Variants in LYPLAL1 observed in about 807,000 individuals in gnomAD.
LYPLAL1 encodes lysophospholipase like 1.
A neutral mutation model predicts 19.7 loss-of-function variants in LYPLAL1; 23 were observed. That is an observed-to-expected ratio of 1.17 (90% confidence interval 0.84 to 1.65). LYPLAL1 has a LOEUF of 1.65. Among genes scored for constraint, LYPLAL1 ranks in the 40% most tolerant of loss-of-function variants. LYPLAL1 has a pLI of 0.00. For synonymous variants in LYPLAL1, 119 were observed against 96.3 expected, an observed-to-expected ratio of 1.24 and a Z score of -1.38; for missense variants, 355 against 279.4, an observed-to-expected ratio of 1.27 and a Z score of -1.93.
the LYPLAL1 span, among the ~76,000 whole-genome samples, chr1:219,277,784 T>A: frequency 6.6e-6 from 1 of 152,158 alleles, no homozygotes; most frequent in South Asian, 2.1e-4. Flanking sequence ...CAGGAAATTG[T>A]CATTGTGATT....
the LYPLAL1 span, among the ~76,000 whole-genome samples, chr1:219,357,480 C>A: frequency 6.6e-6 from 1 of 152,058 alleles, no homozygotes; most frequent in African/African-American, 2.4e-5. Context: ...GAAATTAAAA[C>A]AAAATGAGAT....
intron 2 of LYPLAL1, among the ~76,000 whole-genome samples, chr1:219,186,946 T>C (rs918260636): frequency 6.6e-6 from 1 of 151,794 alleles, no homozygotes; most frequent in African/African-American, 2.4e-5. Context: ...CGTTTTTTAA[T>C]ACACCATTTT....
chr1:219,290,906 T>G, the LYPLAL1 span, among the ~76,000 whole-genome samples: 2 of 152,220 alleles, frequency 1.3e-5, no homozygotes, highest in African/African-American at 4.8e-5. Context: ...CAGACCAGCC[T>G]GGTGTAGGAG....
At chr1:219,307,179 A>T in the LYPLAL1 span, among the ~76,000 whole-genome samples, 1 of 152,188 alleles carries the variant, frequency 6.6e-6, no homozygotes, top group African/African-American at 2.4e-5. Context: ...CTAGCTGGTC[A>T]CAAATTCATT....
the LYPLAL1 span, among the ~76,000 whole-genome samples, chr1:219,348,321 G>A: frequency 1.2e-4 from 19 of 152,322 alleles, no homozygotes; most frequent in Admixed American, 7.2e-4. Context: ...TGAGTGAAGT[G>A]AGAACACCGG....
chr1:219,260,683 CACATATAT>C, the LYPLAL1 span, among the ~76,000 whole-genome samples: 1 of 149,262 alleles, frequency 6.7e-6, no homozygotes, highest in African/African-American at 2.4e-5. Flanking sequence ...GTGGCATACA[CACATATAT>C]ACATATATAC....
chr1:219,413,480 C>T, the LYPLAL1 span, among the ~76,000 whole-genome samples: 15 of 152,134 alleles, frequency 9.9e-5, no homozygotes, highest in South Asian at 2.1e-4. Context: ...TCAGATAACT[C>T]CTAATATCTT....
chr1:219,360,410 A>G, the LYPLAL1 span, among the ~76,000 whole-genome samples: 1 of 152,284 alleles, frequency 6.6e-6, no homozygotes, highest in East Asian at 1.9e-4. Context: ...CAAAATCTTT[A>G]TTGAAATTCG....
chr1:219,178,841 A>T (rs1045526967), intron 1 of LYPLAL1, among the ~76,000 whole-genome samples: 10 of 152,150 alleles, frequency 6.6e-5, no homozygotes, highest in Non-Finnish European at 1.2e-4. Flanking sequence ...TAGAAAAATC[A>T]ATTTATTTAT....
At chr1:219,291,075 C>T in the LYPLAL1 span, among the ~76,000 whole-genome samples, 25 of 152,146 alleles carry the variant, frequency 1.6e-4, no homozygotes, top group Admixed American at 6.5e-5. Flanking sequence ...TGTTAACCAA[C>T]GCTTGAGTAA....
chr1:219,290,755 T>C, the LYPLAL1 span, among the ~76,000 whole-genome samples: 19 of 152,200 alleles, frequency 1.2e-4, no homozygotes, highest in Non-Finnish European at 2.5e-4. Flanking sequence ...TTGAGCGACA[T>C]CCAAGAACCC....
At chr1:219,245,479 A>T in the LYPLAL1 span, among the ~76,000 whole-genome samples, 1 of 152,228 alleles carries the variant, frequency 6.6e-6, no homozygotes, top group African/African-American at 2.4e-5. Context: ...AGGCATTGAA[A>T]TAAGAATGAT....
the LYPLAL1 span, among the ~76,000 whole-genome samples, chr1:219,254,984 T>C: frequency 6.6e-6 from 1 of 151,978 alleles, no homozygotes; most frequent in African/African-American, 2.4e-5. Context: ...TTTATTTATT[T>C]TTGTCTGACT....
At chr1:219,321,909 G>A in the LYPLAL1 span, among the ~76,000 whole-genome samples, 545 of 152,284 alleles carry the variant, frequency 3.6e-3, 6 homozygotes, top group African/African-American at 0.012. Context: ...GAAAATATTT[G>A]AAGTTTTGGA....
the LYPLAL1 span, among the ~76,000 whole-genome samples, chr1:219,302,007 G>A: frequency 6.6e-6 from 1 of 152,098 alleles, no homozygotes; most frequent in Non-Finnish European, 1.5e-5. Flanking sequence ...GAGAACTGGG[G>A]GTAGGGGCTC....
At chr1:219,415,019 A>C in the LYPLAL1 span, among the ~76,000 whole-genome samples, 1 of 152,226 alleles carries the variant, frequency 6.6e-6, no homozygotes, top group South Asian at 2.1e-4. Flanking sequence ...ACTTCAATAC[A>C]CCAAGAATAA....
the LYPLAL1 span, among the ~76,000 whole-genome samples, chr1:219,295,969 C>T: frequency 3.9e-5 from 6 of 152,290 alleles, no homozygotes; most frequent in East Asian, 9.7e-4. Context: ...ATTATGTAGC[C>T]TTTCTTGTCT....
the LYPLAL1 span, among the ~76,000 whole-genome samples, chr1:219,316,733 A>G: frequency 6.6e-6 from 1 of 152,210 alleles, no homozygotes; most frequent in African/African-American, 2.4e-5. Context: ...CAAAATTCTG[A>G]TATAGGCTGC....
chr1:219,361,290 G>A, the LYPLAL1 span, among the ~76,000 whole-genome samples: 1 of 152,160 alleles, frequency 6.6e-6, no homozygotes, highest in African/African-American at 2.4e-5. Context: ...GGTGGGGAAT[G>A]GACTAGTTGA....
Sources: allele counts gnomAD v4.1 joint callset (sites outside exome capture counted in the v4.1 genomes callset), GRCh38; gene constraint gnomAD v4.1.1; transcripts MANE v1.5; gene names NCBI Gene and HGNC (gene_info 2026-07-23, HGNC 2026-07-21).